DNM3: variants seen among roughly 807,000 people sequenced by gnomAD.
DNM3 encodes dynamin-3.
In DNM3, 47 loss-of-function variants were observed where a neutral mutation model predicts 101.6. That is an observed-to-expected ratio of 0.46 (90% CI 0.37 to 0.59). The LOEUF (loss-of-function observed/expected upper bound fraction) is 0.59, where lower values mean the gene tolerates loss of function less well. Among genes scored for constraint, DNM3 ranks in the 20% least tolerant of loss-of-function variants. The pLI, the probability that DNM3 is intolerant of heterozygous loss-of-function variation, is 0.00. For missense variants in DNM3, 849 were observed against 1,085.7 expected (o/e 0.78, Z 3.06); for synonymous variants, 385 against 387.9 (o/e 0.99, Z 0.09).
At chr1:172,132,000 A>T (rs986235609) in intron 14 of DNM3, among the ~76,000 whole-genome samples, 6 of 152,192 alleles carry the variant, frequency 3.9e-5, no homozygotes, top group Admixed American at 3.3e-4. Context: ...AATGTGAGGG[A>T]GCACAGATAG....
chr1:172,352,483 A>G (rs1443659294), intron 17 of DNM3, among the ~76,000 whole-genome samples: 1 of 152,164 alleles, frequency 6.6e-6, no homozygotes, highest in Non-Finnish European at 1.5e-5. Context: ...CTAAATCACT[A>G]CAGCATAAGC....
intron 17 of DNM3, 31 bp downstream of exon 17, chr1:172,323,371 G>A: frequency 6.2e-7 from 1 of 1,602,872 alleles, no homozygotes; most frequent in South Asian, 1.1e-5. Context: ...CAGCTCTTCT[G>A]TCCCCCCAGC....
chr1:172,315,968 G>A (rs1371419314), intron 16 of DNM3, among the ~76,000 whole-genome samples: 5 of 152,014 alleles, frequency 3.3e-5, no homozygotes, highest in African/African-American at 1.2e-4. Flanking sequence ...GAAGGAAAAA[G>A]TGTTAAGGGC....
chr1:172,035,916 C>A (rs1371028153), intron 6 of DNM3, among the ~76,000 whole-genome samples: 1 of 152,024 alleles, frequency 6.6e-6, no homozygotes, highest in East Asian at 1.9e-4. Flanking sequence ...ATTCAGCTAA[C>A]CTCAGATAAA....
At chr1:172,251,446 A>C (rs922553287) in intron 14 of DNM3, among the ~76,000 whole-genome samples, 5 of 151,442 alleles carry the variant, frequency 3.3e-5, no homozygotes, top group African/African-American at 1.2e-4. Flanking sequence ...GTCTGAATAC[A>C]TTTTCTTCTT....
chr1:172,058,778 T>G (rs988182585), intron 10 of DNM3, among the ~76,000 whole-genome samples: 7 of 150,260 alleles, frequency 4.7e-5, no homozygotes, highest in Non-Finnish European at 1.0e-4. Context: ...ACATCACAAT[T>G]AAAAGAACTA....
At chr1:172,184,611 G>A (rs573330096) in intron 14 of DNM3, among the ~76,000 whole-genome samples, 46 of 152,162 alleles carry the variant, frequency 3.0e-4, no homozygotes, top group African/African-American at 1.1e-3. Flanking sequence ...CATTGTTTCT[G>A]TTGAATGTTG....
chr1:171,936,701 G>T (rs1439120088), intron 2 of DNM3, among the ~76,000 whole-genome samples: 1 of 152,048 alleles, frequency 6.6e-6, no homozygotes, highest in Non-Finnish European at 1.5e-5. Context: ...AATGTAAAGG[G>T]TGTCCATGTT....
Position 171,841,525 on chromosome 1 carries a change from C to A in DNM3, c.-132C>A. ...AGCCAAGCGGCGGGCTGGCGGCGGG[C>A]TCCGACGTCTGCGCCAGGACCTGGC... On this transcript the variant is annotated 5_prime_UTR_variant, in exon 1 of 21. Transcript: ENST00000627582. 1.5e-6 allele frequency: 2 copies of A among 1,291,596 alleles called. No homozygotes were observed. Among genetic ancestry groups the A allele is most frequent in the Non-Finnish European group, 2.0e-6 (2 of 977,190 alleles). 80.0% of individuals were successfully genotyped at this position (1,291,596 alleles called of 1,614,324 possible). A position where few individuals can be genotyped will look rare whatever the true frequency, so the allele number is the denominator to read the frequency against.
At chr1:172,121,988 C>CT (rs1406462277) in intron 13 of DNM3, among the ~76,000 whole-genome samples, 2 of 152,104 alleles carry the variant, frequency 1.3e-5, no homozygotes, top group Non-Finnish European at 2.9e-5. Flanking sequence ...TTATGTTGTG[C>CT]TGTTAGGTTA....
intron 15 of DNM3, among the ~76,000 whole-genome samples, chr1:172,293,406 T>C (rs559548351): frequency 4.6e-5 from 7 of 152,358 alleles, no homozygotes; most frequent in African/African-American, 1.4e-4. Flanking sequence ...CTCATACTTC[T>C]TTTTTAGCAT....
intron 2 of DNM3, among the ~76,000 whole-genome samples, chr1:171,950,687 T>G (rs2042463990): frequency 6.6e-6 from 1 of 152,212 alleles, no homozygotes; most frequent in South Asian, 2.1e-4. Flanking sequence ...GAAATGGTTC[T>G]GTGAGGAAGA....
intron 13 of DNM3, among the ~76,000 whole-genome samples, chr1:172,125,343 T>A (rs2148039972): frequency 6.6e-6 from 1 of 152,318 alleles, no homozygotes; most frequent in Non-Finnish European, 1.5e-5. Context: ...CCACATGTAC[T>A]TTTGTCTTCC....
At position 172,082,414 on chromosome 1, in the gene DNM3, G is replaced by A. The variant is rs184474958; in HGVS notation, c.1493+512G>A. Among the ~76,000 whole-genome samples, 345 of 150,352 alleles carry A rather than the reference G, an allele frequency of 2.3e-3. 1 individual carries two copies. The highest frequency in any genetic ancestry group is 2.4e-3 in the Non-Finnish European group (160 of 67,750). The stretch of plus-strand genomic sequence containing the variant: ...TCTGTAAAGTGTGTATACAAATATT[G>A]CCATTTTTCATATACGTTATCATGC... On this transcript the variant is annotated intron_variant, in intron 12 of 20. Coordinates refer to ENST00000627582, the MANE Select transcript of DNM3 (RefSeq NM_015569.5).
intron 20 of DNM3, among the ~76,000 whole-genome samples, chr1:172,406,901 T>C (rs1027675632): frequency 2.6e-5 from 4 of 151,780 alleles, no homozygotes; most frequent in Non-Finnish European, 1.5e-5. Context: ...CTTTGTCAAA[T>C]TTGGGGGGGT....
At chr1:172,168,156 A>G (rs970756041) in intron 14 of DNM3, among the ~76,000 whole-genome samples, 2 of 152,052 alleles carry the variant, frequency 1.3e-5, no homozygotes, top group Non-Finnish European at 2.9e-5. Context: ...CTATATCATA[A>G]TTCACTGTGC....
downstream of DNM3, among the ~76,000 whole-genome samples, chr1:172,414,643 A>G (rs2149143250): frequency 6.6e-6 from 1 of 152,300 alleles, no homozygotes; most frequent in East Asian, 1.9e-4. Context: ...CTCACTAACA[A>G]AAAGTTGGAT....
chr1:171,893,472 G>C, intron 1 of DNM3, among the ~76,000 whole-genome samples: 1 of 134,028 alleles, frequency 7.5e-6, no homozygotes, highest in African/African-American at 2.8e-5. Context: ...TTTGTCTTTT[G>C]AGACAGGGTC....
intron 17 of DNM3, among the ~76,000 whole-genome samples, chr1:172,377,423 C>A (rs1424287380): frequency 6.6e-6 from 1 of 151,450 alleles, no homozygotes; most frequent in Non-Finnish European, 1.5e-5. Flanking sequence ...AATCTAAAAT[C>A]CAAGAATGTT....
Sources: allele counts gnomAD v4.1 joint callset (sites outside exome capture counted in the v4.1 genomes callset), GRCh38; gene constraint gnomAD v4.1.1; transcripts MANE v1.5; gene names NCBI Gene and HGNC (gene_info 2026-07-23, HGNC 2026-07-21).